Variants in PTPN4 observed in about 807,000 individuals in gnomAD.
The protein encoded by PTPN4 is tyrosine-protein phosphatase non-receptor type 4.
A neutral mutation model predicts 135.5 loss-of-function variants in PTPN4; 49 were observed. The ratio of observed to expected loss-of-function variants is 0.36; its 90% CI spans 0.29 to 0.46. The LOEUF (loss-of-function observed/expected upper bound fraction) is 0.46. Ranked by LOEUF, PTPN4 falls within the 20% of genes least tolerant of loss-of-function variation. The probability of loss-of-function intolerance (pLI) is 1.00; values close to 1 mark genes in which losing one functional copy is unlikely to be tolerated. For missense variants in PTPN4, 860 were observed against 1,101.0 expected, an observed-to-expected ratio of 0.78 and a Z score of 3.10; for synonymous variants, 333 against 369.9, an observed-to-expected ratio of 0.90 and a Z score of 1.14.
chr2:119,786,504 T>C (rs1174101461), intron 1 of PTPN4, among the ~76,000 whole-genome samples: 2 of 152,232 alleles, frequency 1.3e-5, no homozygotes, highest in Non-Finnish European at 2.9e-5. Flanking sequence ...TCCACTCACA[T>C]ATCTGGCAGA....
chr2:119,848,986 T>TCTACTGGTGAGC (rs1677550082), intron 2 of PTPN4, among the ~76,000 whole-genome samples: 1 of 152,218 alleles, frequency 6.6e-6, no homozygotes, highest in African/African-American at 2.4e-5. Context: ...TCAGTTCAGA[T>TCTACTGGTGAGC]CTACTGGTGA....
intron 3 of PTPN4, among the ~76,000 whole-genome samples, chr2:119,871,838 CAT>C (rs777845616): frequency 2.0e-5 from 3 of 152,052 alleles, no homozygotes; most frequent in Admixed American, 6.6e-5. Flanking sequence ...CCTTGGGAAA[CAT>C]AAAAAAATTG....
chr2:119,919,974 A>G (rs2105028622), intron 11 of PTPN4, 95 bp from the exon 12 acceptor site: 2 of 1,463,606 alleles, frequency 1.4e-6, no homozygotes, highest in East Asian at 2.4e-5. Flanking sequence ...TCATGTTTAC[A>G]AGGCTAGAAT....
chr2:119,890,780 G>T (rs973609204), intron 9 of PTPN4, among the ~76,000 whole-genome samples: 2 of 152,116 alleles, frequency 1.3e-5, no homozygotes, highest in African/African-American at 4.8e-5. Context: ...AACTGATCTA[G>T]TGGTATAGAA....
chr2:119,940,323 CAG>C (rs1339667893), intron 15 of PTPN4, among the ~76,000 whole-genome samples: 1 of 152,142 alleles, frequency 6.6e-6, no homozygotes, highest in African/African-American at 2.4e-5. Context: ...AATTTTGAAT[CAG>C]AATTTTATCT....
At chr2:119,930,676 T>C (rs946450201) in intron 13 of PTPN4, among the ~76,000 whole-genome samples, 3 of 152,132 alleles carry the variant, frequency 2.0e-5, no homozygotes, top group Non-Finnish European at 4.4e-5. Context: ...GACATTTCTT[T>C]TTACACGTTT....
intron 2 of PTPN4, among the ~76,000 whole-genome samples, chr2:119,859,946 AG>A: frequency 6.6e-6 from 1 of 152,188 alleles, no homozygotes; most frequent in Admixed American, 6.5e-5. Context: ...TAGAGAAAGC[AG>A]GCTTTTCTTG....
intron 1 of PTPN4, among the ~76,000 whole-genome samples, chr2:119,781,234 C>G (rs749996190): frequency 2.9e-4 from 44 of 152,040 alleles, no homozygotes; most frequent in Admixed American, 2.6e-4. Flanking sequence ...TCTCCAGAGT[C>G]CTAATTTCTT....
chr2:119,784,829 T>C (rs1691018621), intron 1 of PTPN4, among the ~76,000 whole-genome samples: 1 of 151,334 alleles, frequency 6.6e-6, no homozygotes, highest in South Asian at 2.1e-4. Context: ...TGAGCCACCA[T>C]GCCTGGTCAG....
intron 1 of PTPN4, among the ~76,000 whole-genome samples, chr2:119,790,807 A>G (rs1231753924): frequency 6.6e-6 from 1 of 151,792 alleles, no homozygotes; most frequent in African/African-American, 2.4e-5. Context: ...TAAATTTGTC[A>G]TTTTATTTCT....
chr2:119,807,295 T>G (rs1691491049), intron 1 of PTPN4, among the ~76,000 whole-genome samples: 2 of 152,104 alleles, frequency 1.3e-5, no homozygotes, highest in South Asian at 4.2e-4. Flanking sequence ...AGAAGCTGGT[T>G]TTTTGAAAAG....
chr2:119,903,258 C>T (rs954479050), intron 10 of PTPN4, among the ~76,000 whole-genome samples: 1 of 152,142 alleles, frequency 6.6e-6, no homozygotes, highest in Non-Finnish European at 1.5e-5. Context: ...GACCACTGTA[C>T]AGCTGCATGT....
chr2:119,953,670 G>T (rs1289465707), intron 19 of PTPN4, among the ~76,000 whole-genome samples: 1 of 151,680 alleles, frequency 6.6e-6, no homozygotes, highest in Non-Finnish European at 1.5e-5. Flanking sequence ...AATAATATTA[G>T]CTAATAGTTA....
At chr2:119,943,499 A>G (rs1366384661) in intron 15 of PTPN4, among the ~76,000 whole-genome samples, 1 of 150,990 alleles carries the variant, frequency 6.6e-6, no homozygotes, top group Non-Finnish European at 1.5e-5. Context: ...GACTGGTAGC[A>G]TTCCCTGTTT....
At chr2:119,955,462 T>A (rs969724142) in intron 20 of PTPN4, 139 bp downstream of exon 20, 2 of 758,004 alleles carry the variant, frequency 2.6e-6, no homozygotes, top group Non-Finnish European at 3.6e-6. Flanking sequence ...TAAAGAGTTC[T>A]AAAATGCCAA....
chr2:119,970,583 T>G (rs1679517635), intron 26 of PTPN4, among the ~76,000 whole-genome samples: 1 of 152,256 alleles, frequency 6.6e-6, no homozygotes, highest in African/African-American at 2.4e-5. Flanking sequence ...CTAACTGGCT[T>G]CTTTTAAGTA....
intron 1 of PTPN4, among the ~76,000 whole-genome samples, chr2:119,780,910 G>A (rs1270492935): frequency 1.3e-5 from 2 of 152,024 alleles, no homozygotes; most frequent in East Asian, 1.9e-4. Flanking sequence ...CTGTAAAATG[G>A]CATTTTTCTA....
At chr2:119,774,444 T>G (rs1690793761) in intron 1 of PTPN4, among the ~76,000 whole-genome samples, 1 of 152,224 alleles carries the variant, frequency 6.6e-6, no homozygotes, top group South Asian at 2.1e-4. Context: ...TGCAAAAATC[T>G]TGCACTTTTT....
chr2:119,970,153 G>A (rs576076369), intron 26 of PTPN4, among the ~76,000 whole-genome samples: 2 of 151,980 alleles, frequency 1.3e-5, no homozygotes, highest in Admixed American at 6.5e-5. Flanking sequence ...TCCGCCTTCC[G>A]GGTTCAAGCG....
Sources: allele counts gnomAD v4.1 joint callset (sites outside exome capture counted in the v4.1 genomes callset), GRCh38; gene constraint gnomAD v4.1.1; transcripts MANE v1.5; gene names NCBI Gene and HGNC (gene_info 2026-07-23, HGNC 2026-07-21).